MRPL30: variants seen among roughly 807,000 people sequenced by gnomAD.
MRPL30 encodes large ribosomal subunit protein uL30m.
Under a neutral mutation model 17.2 loss-of-function variants are expected in MRPL30, and 10 were observed. The observed-to-expected ratio is 0.58, with a 90% CI of 0.36 to 0.99. The LOEUF (loss-of-function observed/expected upper bound fraction) is 0.99. MRPL30 is among the 50% of genes least tolerant of loss of function. The probability of loss-of-function intolerance (pLI) is 0.01; values close to 1 mark genes in which losing one functional copy is unlikely to be tolerated. For missense variants in MRPL30, 170 were observed against 189.8 expected (o/e 0.90, Z 0.61); for synonymous variants, 61 against 62.1 (o/e 0.98, Z 0.08).
chr2:99,186,251 A>G lies in MRPL30; in HGVS notation c.48A>G (p.Leu16=), dbSNP rs567739967. 2.5e-6 allele frequency: 4 copies of G among 1,613,956 alleles called. No homozygotes were observed. In the South Asian group the frequency reaches 3.3e-5, roughly 13 times the overall value. ...TAGTTCAATGGCCCCCAGGCAGACT[A>G]CAGGTAAGTGTTTCTTTTCAAGAAT... The part of the protein sequence containing the change: ...RLVVQWPPGR[L]QTVTKGVESL... The change falls in exon 2 of 6, where the codon CTA becomes CTG. Residue 16 remains leucine, a synonymous_variant. Transcript: ENST00000338148.
intron 2 of MRPL30, 146 bp from the exon 3 acceptor site, chr2:99,188,031 A>G: frequency 1.8e-6 from 1 of 569,928 alleles, no homozygotes; most frequent in African/African-American, 1.9e-5. Flanking sequence ...CTTAGATGGG[A>G]TGCGTTCACT....
intron 1 of MRPL30, among the ~76,000 whole-genome samples, chr2:99,184,827 G>A (rs1444072256): frequency 5.3e-5 from 8 of 152,210 alleles, no homozygotes; most frequent in Middle Eastern, 3.2e-3. Context: ...GATGTCTTGC[G>A]TTGATTCTCA....
At chr2:99,193,617 T>C (rs1313958025) in intron 3 of MRPL30, among the ~76,000 whole-genome samples, 2 of 152,226 alleles carry the variant, frequency 1.3e-5, no homozygotes, top group African/African-American at 4.8e-5. Context: ...CACATAATTG[T>C]GTGGACATTT....
rs1236389910 is a variant in MRPL30 at position 99,186,159 on chromosome 2, A to G, written c.-27-18A>G. 6.3e-7 allele frequency: 1 copy of G among 1,576,362 alleles called. No homozygotes were observed. The highest frequency in any genetic ancestry group is 1.4e-5 in the African/African-American group (1 of 73,892). On this transcript the variant is annotated intron_variant, in intron 1 of 5. Transcript: ENST00000338148. ...CAAGACATAGTTGACTGATGGGTCT[A>G]CTTCCTACTTCCCACAGCCTCTAAA... is the stretch of plus-strand genomic sequence containing the variant.
chr2:99,184,772 G>T (rs368735697), intron 1 of MRPL30, among the ~76,000 whole-genome samples: 29 of 152,272 alleles, frequency 1.9e-4, no homozygotes, highest in African/African-American at 6.7e-4. Flanking sequence ...CATTAGATAG[G>T]TTCAGTTGCT....
rs2093958154 is a variant in MRPL30 at position 99,198,197 on chromosome 2, T to C, written c.*2492T>C. 6.6e-6 allele frequency among the ~76,000 whole-genome samples: 1 copy of C among 152,232 alleles called. No homozygotes were observed. Among genetic ancestry groups the C allele is most frequent in the Non-Finnish European group, 1.5e-5 (1 of 68,042 alleles). On this transcript the variant is annotated 3_prime_UTR_variant, in exon 6 of 6. Coordinates refer to ENST00000338148, the MANE Select transcript of MRPL30 (RefSeq NM_145212.4). ...AACAAATTACCACAAACTTAGCTGC[T>C]TAAAACAACACACACTTATTGTCTC...
chr2:99,182,581 G>T (rs988028998), intron 1 of MRPL30, among the ~76,000 whole-genome samples: 1 of 152,096 alleles, frequency 6.6e-6, no homozygotes, highest in Non-Finnish European at 1.5e-5. Context: ...TAAAATAAAC[G>T]TATTCTTTGA....
At chr2:99,193,350 A>G (rs2105248329) in intron 3 of MRPL30, among the ~76,000 whole-genome samples, 1 of 152,342 alleles carries the variant, frequency 6.6e-6, no homozygotes, top group South Asian at 2.1e-4. Flanking sequence ...CTGTGGAGAA[A>G]TAAGAACGCT....
At chr2:99,184,379 C>T (rs1262272420) in intron 1 of MRPL30, among the ~76,000 whole-genome samples, 1 of 152,174 alleles carries the variant, frequency 6.6e-6, no homozygotes, top group Non-Finnish European at 1.5e-5. Context: ...GCTAACAGAG[C>T]TAGCCCATGT....
intron 3 of MRPL30, among the ~76,000 whole-genome samples, chr2:99,190,550 C>G (rs945037254): frequency 6.6e-6 from 1 of 152,132 alleles, no homozygotes; most frequent in African/African-American, 2.4e-5. Context: ...AGAGTGAGAC[C>G]TTGTCTCAAA....
At chr2:99,185,332 G>A (rs1042159239) in intron 1 of MRPL30, among the ~76,000 whole-genome samples, 5 of 152,120 alleles carry the variant, frequency 3.3e-5, no homozygotes, top group Non-Finnish European at 7.3e-5. Flanking sequence ...AATAATAAAA[G>A]CTACTATTTA....
intron 1 of MRPL30, among the ~76,000 whole-genome samples, chr2:99,182,770 A>G (rs1009476018): frequency 2.8e-4 from 42 of 152,300 alleles, no homozygotes; most frequent in African/African-American, 9.9e-4. Flanking sequence ...AAAATATATT[A>G]TATGTCTGCT....
At chr2:99,189,577 T>C (rs907992069) in intron 3 of MRPL30, among the ~76,000 whole-genome samples, 1 of 152,214 alleles carries the variant, frequency 6.6e-6, no homozygotes, top group Non-Finnish European at 1.5e-5. Flanking sequence ...TTTTGGACAG[T>C]AATGAACAAA....
intron 3 of MRPL30, among the ~76,000 whole-genome samples, chr2:99,189,102 A>G (rs1030719675): frequency 2.0e-5 from 3 of 152,230 alleles, no homozygotes; most frequent in African/African-American, 7.2e-5. Flanking sequence ...CGCCCAGCAT[A>G]TACAGTGTCC....
At position 99,195,796 on chromosome 2, in the gene MRPL30, T is replaced by C; in HGVS notation, c.*91T>C. 1 of 1,580,278 alleles carries C rather than the reference T, an allele frequency of 6.3e-7. No individual in the cohort carries two copies. Among genetic ancestry groups the C allele is most frequent in the Non-Finnish European group, 8.6e-7 (1 of 1,164,786 alleles). On this transcript the variant is annotated 3_prime_UTR_variant, in exon 6 of 6. Transcript: ENST00000338148. ...TCATTAAAATATGTTTTCAAAACCA[T>C]TTTCAGGCCGGGCACGGTGGCTCAC... is the stretch of plus-strand genomic sequence containing the variant.
At chr2:99,188,729 T>G (rs1165321228) in intron 3 of MRPL30, among the ~76,000 whole-genome samples, 1 of 152,148 alleles carries the variant, frequency 6.6e-6, no homozygotes, top group African/African-American at 2.4e-5. Context: ...TAAAGAGAGT[T>G]TTGCTTTGTT....
chr2:99,194,608 A>G lies in MRPL30; in HGVS notation c.133-143A>G, dbSNP rs577569500. ...ATAATCAGATTGATAGAAATGTTCA[A>G]TCTGAGGTTGAGGATTACATGATGA... On this transcript the variant is annotated intron_variant, in intron 3 of 5. Coordinates refer to ENST00000338148, the MANE Select transcript of MRPL30 (RefSeq NM_145212.4). 34 of 708,172 alleles carry G rather than the reference A, an allele frequency of 4.8e-5. No individual in the cohort carries two copies. The Admixed American group carries it at 9.3e-4, about 19-fold the overall frequency. 43.9% of individuals were successfully genotyped at this position (708,172 alleles called of 1,614,324 possible). A position where few individuals can be genotyped will look rare whatever the true frequency, so the allele number is the denominator to read the frequency against.
chr2:99,190,044 A>C (rs970493362), intron 3 of MRPL30, among the ~76,000 whole-genome samples: 2 of 151,062 alleles, frequency 1.3e-5, no homozygotes, highest in Non-Finnish European at 3.0e-5. Flanking sequence ...AGGATTGCTC[A>C]ATCTCAAGAG....
chr2:99,192,251 A>G (rs931200561), intron 3 of MRPL30, among the ~76,000 whole-genome samples: 2 of 152,266 alleles, frequency 1.3e-5, no homozygotes, highest in South Asian at 4.1e-4. Context: ...CTCTCTGTTT[A>G]GTAATATAAT....
Sources: gnomAD v4.1 joint callset for allele counts (sites outside exome capture counted in the v4.1 genomes callset) on GRCh38, gnomAD v4.1.1 for gene constraint, MANE v1.5 for transcripts, NCBI Gene and HGNC (gene_info 2026-07-23, HGNC 2026-07-21) for gene names.